LOC122539214: variants seen among roughly 807,000 people sequenced by gnomAD.
At chr19:52,684,531 T>C in the LOC122539214 span, among the ~76,000 whole-genome samples, 4 of 127,150 alleles carry the variant, frequency 3.1e-5, no homozygotes, top group South Asian at 2.5e-4. Flanking sequence ...GTTTGGACAA[T>C]AGAGTGAGAC....
At chr19:52,676,533 G>T in the LOC122539214 span, among the ~76,000 whole-genome samples, 1 of 151,134 alleles carries the variant, frequency 6.6e-6, no homozygotes. Flanking sequence ...CAGCCGCCCC[G>T]TCTGGGAGGG....
At chr19:52,661,268 G>A in the LOC122539214 span, among the ~76,000 whole-genome samples, 1 of 152,184 alleles carries the variant, frequency 6.6e-6, no homozygotes, top group Non-Finnish European at 1.5e-5. Flanking sequence ...CTGCACCAGA[G>A]ATCATGCAGA....
the LOC122539214 span, among the ~76,000 whole-genome samples, chr19:52,681,333 G>C: frequency 7.1e-6 from 1 of 139,970 alleles, no homozygotes; most frequent in Non-Finnish European, 1.5e-5. Flanking sequence ...TCTACAGATA[G>C]TATGTTCAAC....
At chr19:52,664,262 G>A in the LOC122539214 span, among the ~76,000 whole-genome samples, 11 of 151,502 alleles carry the variant, frequency 7.3e-5, no homozygotes, top group South Asian at 8.4e-4. Flanking sequence ...TTGGGAGGCC[G>A]ATGCGGCTGG....
At chr19:52,666,259 CAG>C in the LOC122539214 span, among the ~76,000 whole-genome samples, 1 of 150,968 alleles carries the variant, frequency 6.6e-6, no homozygotes, top group Non-Finnish European at 1.5e-5. Context: ...GAGAAAGAGA[CAG>C]AGAGTCAGAA....
the LOC122539214 span, among the ~76,000 whole-genome samples, chr19:52,683,228 CTGTGTGTGTGTG>C: frequency 6.6e-3 from 841 of 128,006 alleles, 4 homozygotes; most frequent in East Asian, 0.015. Flanking sequence ...CCCTGTGACT[CTGTGTGTGTGTG>C]TGTGTGTGTG....
the LOC122539214 span, chr19:52,655,052 G>A: frequency 6.5e-6 from 1 of 153,090 alleles, no homozygotes; most frequent in African/African-American, 2.4e-5. Context: ...AAGGCATGGT[G>A]ACTTGCATCT....
chr19:52,676,667 G>A, the LOC122539214 span, among the ~76,000 whole-genome samples: 3 of 140,470 alleles, frequency 2.1e-5, no homozygotes, highest in Non-Finnish European at 4.8e-5. Flanking sequence ...TGACAATGGC[G>A]GCTTTGTGGA....
At chr19:52,684,548 T>TAAAA in the LOC122539214 span, among the ~76,000 whole-genome samples, 3 of 124,968 alleles carry the variant, frequency 2.4e-5, no homozygotes, top group African/African-American at 1.0e-4. Flanking sequence ...AGACTCTGTC[T>TAAAA]AAAAAAAGAA....
the LOC122539214 span, among the ~76,000 whole-genome samples, chr19:52,687,682 G>C: frequency 1.7e-5 from 1 of 58,328 alleles, no homozygotes; most frequent in Non-Finnish European, 3.5e-5. Flanking sequence ...ATAACTAGCC[G>C]GGCTTGGTGG....
At chr19:52,672,353 C>G in the LOC122539214 span, among the ~76,000 whole-genome samples, 1 of 152,214 alleles carries the variant, frequency 6.6e-6, no homozygotes, top group African/African-American at 2.4e-5. Context: ...TCCCACATCC[C>G]TAGCTATGGA....
chr19:52,654,267 AT>A, the LOC122539214 span: 1 of 1,558,168 alleles, frequency 6.4e-7, no homozygotes, highest in Non-Finnish European at 8.8e-7. Context: ...AGTCATGAAT[AT>A]CTTTCTTGAT....
At chr19:52,676,932 G>C in the LOC122539214 span, among the ~76,000 whole-genome samples, 1 of 139,846 alleles carries the variant, frequency 7.2e-6, no homozygotes, top group East Asian at 2.0e-4. Flanking sequence ...AAGGCAGCAT[G>C]CTCCTTAAGA....
At chr19:52,686,393 A>C in the LOC122539214 span, among the ~76,000 whole-genome samples, 1 of 151,602 alleles carries the variant, frequency 6.6e-6, no homozygotes, top group Non-Finnish European at 1.5e-5. Flanking sequence ...TTCAGAAGTG[A>C]TTAAGTATTA....
chr19:52,653,275 G>A, the LOC122539214 span: 1 of 1,468,822 alleles, frequency 6.8e-7, no homozygotes. Flanking sequence ...TGCAAGGTGT[G>A]CTTTTTGATT....
At chr19:52,658,098 T>G in the LOC122539214 span, among the ~76,000 whole-genome samples, 2 of 149,426 alleles carry the variant, frequency 1.3e-5, no homozygotes, top group African/African-American at 4.9e-5. Context: ...TTCATGCCAT[T>G]GCACTCCACC....
the LOC122539214 span, among the ~76,000 whole-genome samples, chr19:52,686,948 G>A: frequency 1.3e-5 from 2 of 151,860 alleles, no homozygotes; most frequent in Non-Finnish European, 2.9e-5. Context: ...TTGGGAGATC[G>A]AGGTGAGCAG....
the LOC122539214 span, among the ~76,000 whole-genome samples, chr19:52,688,507 T>C: frequency 0.64 from 96,391 of 151,258 alleles, 31,026 homozygotes; most frequent in African/African-American, 0.73. Context: ...CCTTCCCTGA[T>C]TCTGTACGTA....
the LOC122539214 span, among the ~76,000 whole-genome samples, chr19:52,656,739 G>A: frequency 6.6e-5 from 10 of 151,970 alleles, no homozygotes; most frequent in East Asian, 1.2e-3. Flanking sequence ...GGTGGTGTGC[G>A]CCTGTAGCCC....
Sources: gnomAD v4.1 joint callset for allele counts (sites outside exome capture counted in the v4.1 genomes callset) on GRCh38, gnomAD v4.1.1 for gene constraint, MANE v1.5 for transcripts.